MROH2A: variants seen among roughly 807,000 people sequenced by gnomAD.
The protein encoded by MROH2A is maestro heat-like repeat-containing protein family member 2A.
Under a neutral mutation model 200.4 loss-of-function variants are expected in MROH2A, and 174 were observed. The ratio of observed to expected loss-of-function variants is 0.87; its 90% CI spans 0.77 to 0.98. MROH2A has a LOEUF of 0.98. MROH2A is among the 50% of genes least tolerant of loss of function. The pLI, the probability that MROH2A is intolerant of heterozygous loss-of-function variation, is 0.00. For synonymous variants in MROH2A, 829 were observed against 840.4 expected (o/e 0.99, Z 0.23); for missense variants, 2,045 against 2,139.6 (o/e 0.96, Z 0.87).
At position 233,818,711 on chromosome 2, in the gene MROH2A, G is replaced by A. The variant is rs748087481; in HGVS notation, c.3145G>A (p.Gly1049Arg). The A allele has an allele frequency of 5.8e-6, 9 of 1,550,398 alleles. No homozygotes were observed. In the South Asian group the frequency reaches 1.1e-4, roughly 18 times the overall value. The part of the protein sequence containing the change: ...SKQKELEKCK[G>R]DLQSTDVEKI... ...GCAGAAGGAGCTTGAGAAATGTAAGGGGGACCTCCAGAGCACAGATGTGGA... is the reference window on the plus strand; with the variant it reads ...GCAGAAGGAGCTTGAGAAATGTAAGAGGGACCTCCAGAGCACAGATGTGGA... Residue 1049 changes from glycine (G) to arginine (R), a missense_variant, in exon 29 of 42, where the codon GGG (glycine) becomes AGG (arginine). Physicochemically the swap from Gly to Arg is moderately radical, Grantham distance 125 (BLOSUM62 -2). This residue lies in a region of MROH2A where 1,201 missense variants were observed against 1,311.3 expected (regional missense o/e 0.92). Coordinates refer to ENST00000389758, the MANE Select transcript of MROH2A (RefSeq NM_001394639.1).
At chr2:233,779,593 A>T in intron 2 of MROH2A, 78 bp from the exon 3 acceptor site, 1 of 1,481,644 alleles carries the variant, frequency 6.7e-7, no homozygotes, top group South Asian at 1.3e-5. Context: ...GCGCAGGTGG[A>T]GGCAAGGCCA....
At chr2:233,787,579 A>G (rs1701293750) in intron 3 of MROH2A, among the ~76,000 whole-genome samples, 1 of 47,016 alleles carries the variant, frequency 2.1e-5, no homozygotes, top group Non-Finnish European at 3.5e-5. Context: ...TATATATATC[A>G]TATATACATA....
chr2:233,827,449 T>A (rs1040905979), intron 35 of MROH2A, among the ~76,000 whole-genome samples: 2 of 152,210 alleles, frequency 1.3e-5, no homozygotes, highest in African/African-American at 4.8e-5. Flanking sequence ...GAAGTCATTA[T>A]CCTCAGCAAA....
At chr2:233,808,944 G>A (rs1218902261) in intron 21 of MROH2A, among the ~76,000 whole-genome samples, 182 bp from the exon 22 acceptor site, 1 of 152,180 alleles carries the variant, frequency 6.6e-6, no homozygotes, top group Non-Finnish European at 1.5e-5. Context: ...CAGTAAAGAT[G>A]CACTGAGTGA....
chr2:233,787,752 TATATATATC>T (rs1451275882), intron 3 of MROH2A, among the ~76,000 whole-genome samples: 2 of 38,816 alleles, frequency 5.2e-5, no homozygotes, highest in African/African-American at 2.2e-4. Flanking sequence ...TTATATATAT[TATATATATC>T]ATATATACAT....
At chr2:233,794,596 G>A (rs1265789935) in intron 8 of MROH2A, 90 bp downstream of exon 8, 41 of 692,772 alleles carry the variant, frequency 5.9e-5, no homozygotes, top group Non-Finnish European at 9.2e-5. Context: ...GGAGCCGGGG[G>A]GATGTCAGAT....
At chr2:233,796,453 G>A (rs1194606192) in intron 11 of MROH2A, 140 bp downstream of exon 11, 3 of 611,836 alleles carry the variant, frequency 4.9e-6, no homozygotes, top group East Asian at 5.6e-5. Flanking sequence ...CAAGGTTCTT[G>A]GCTGCTTTGC....
chr2:233,829,147 G>C lies in MROH2A; in HGVS notation c.4446+75G>C. 23 of 1,372,896 alleles carry C rather than the reference G, an allele frequency of 1.7e-5. 1 individual carries two copies. In the South Asian group the frequency reaches 3.4e-4, roughly 20 times the overall value. 85.0% of individuals were successfully genotyped at this position (1,372,896 alleles called of 1,614,324 possible). Reference sequence around the variant, plus strand: ...TTCTCAGACCCTAAGGAAGAGATGGGCTCTAGAGCAGAAAAGAGCCGAGGC... The same window carrying C: ...TTCTCAGACCCTAAGGAAGAGATGGCCTCTAGAGCAGAAAAGAGCCGAGGC... On this transcript the variant is annotated intron_variant, in intron 37 of 41. Transcript: ENST00000389758.
intron 8 of MROH2A, 57 bp from the exon 9 acceptor site, chr2:233,795,596 G>A: frequency 6.4e-7 from 1 of 1,550,570 alleles, no homozygotes; most frequent in South Asian, 1.2e-5. Context: ...CGAGGGTCTA[G>A]AGTTTGACCT....
rs1704845024 is a variant in MROH2A at position 233,832,632 on chromosome 2, G to C, written c.4891G>C (p.Ala1631Pro). ...TTATCTGAAAAAGCTGGACTTCCCA[G>C]CATTACGGAATTGTGAGTAGTGGAG... ...THYLKKLDFPALRNSLQELQL... is the reference protein window; with the variant it reads ...THYLKKLDFPPLRNSLQELQL... The change falls in exon 41 of 42, where the codon GCA becomes CCA. Residue 1631 changes from alanine to proline, a missense_variant. This residue lies in a region of MROH2A where 1,201 missense variants were observed against 1,311.3 expected (regional missense o/e 0.92). Transcript: ENST00000389758. The C allele has an allele frequency of 1.3e-6, 2 of 1,549,166 alleles. No individual in the cohort carries two copies. Among genetic ancestry groups the C allele is most frequent in the Non-Finnish European group, 1.7e-6 (2 of 1,145,734 alleles).
chr2:233,799,894 A>T lies in MROH2A; in HGVS notation c.1444A>T (p.Lys482Ter). Reference protein sequence around the residue: ...LSVQLTLSTYKLTNRREKFYQ... With the variant: ...LSVQLTLSTY ...TGTGCAGCTGACCTTATCCACCTAC[A>T]AACTGGTGAGTGGCCCTGATACGCA... The change falls in exon 13 of 42, where the codon AAA (lysine) becomes TAA (stop). Residue 482 changes from lysine to a stop codon, truncating the protein, a stop_gained. Transcript: ENST00000389758. LOFTEE classifies it high-confidence loss of function. 1 of 1,550,404 alleles carries T rather than the reference A, an allele frequency of 6.4e-7. No homozygotes were observed. The highest frequency in any genetic ancestry group is 8.7e-7 in the Non-Finnish European group (1 of 1,146,894).
At chr2:233,812,547 A>C (rs1049143222) in intron 24 of MROH2A, among the ~76,000 whole-genome samples, 1 of 152,256 alleles carries the variant, frequency 6.6e-6, no homozygotes, top group African/African-American at 2.4e-5. Flanking sequence ...AGCTGCATCA[A>C]ACAGGCAGAT....
chr2:233,804,345 G>T, intron 17 of MROH2A, 150 bp from the exon 18 acceptor site: 2 of 1,321,946 alleles, frequency 1.5e-6, no homozygotes, highest in South Asian at 2.8e-5. Context: ...GAGCAGCTTG[G>T]GAAGGTGAGG....
chr2:233,798,929 A>G, intron 12 of MROH2A, 79 bp downstream of exon 12: 1 of 1,180,234 alleles, frequency 8.5e-7, no homozygotes, highest in East Asian at 2.6e-5. Context: ...GGGCTCTGGG[A>G]GGCAGAGGCT....
Position 233,789,980 on chromosome 2 carries a change from C to T in MROH2A, c.537C>T (p.Val179=). The stretch of plus-strand genomic sequence containing the variant: ...CCCTCAACCTCACTGATGAATTTGT[C>T]ATCATCACACTGGCCAAGCTGGCCA... ...LKPLNLTDEF[V]IITLAKLANG... The change falls in exon 5 of 42, where the codon GTC becomes GTT. Residue 179 remains valine, a synonymous_variant. Transcript: ENST00000389758. 1 of 1,550,354 alleles carries T rather than the reference C, an allele frequency of 6.5e-7. No individual in the cohort carries two copies. Among genetic ancestry groups the T allele is most frequent in the Non-Finnish European group, 8.7e-7 (1 of 1,146,868 alleles).
chr2:233,814,405 G>A (rs1052035654), intron 25 of MROH2A, among the ~76,000 whole-genome samples, 177 bp from the exon 26 acceptor site: 1 of 152,188 alleles, frequency 6.6e-6, no homozygotes, highest in Non-Finnish European at 1.5e-5. Flanking sequence ...TTTGTAAAGT[G>A]AATCCCTCTT....
chr2:233,816,759 G>C (rs759002562), intron 26 of MROH2A, 22 bp from the exon 27 acceptor site: 2 of 1,520,548 alleles, frequency 1.3e-6, no homozygotes, highest in South Asian at 2.4e-5. Context: ...ACCCACTTTG[G>C]TGTTCTGGGC....
chr2:233,798,454 T>G (rs904924898), intron 11 of MROH2A, among the ~76,000 whole-genome samples: 1 of 152,160 alleles, frequency 6.6e-6, no homozygotes, highest in Non-Finnish European at 1.5e-5. Flanking sequence ...GTGTGCCCAC[T>G]GCATGCCCAC....
At chr2:233,785,145 C>CAA (rs201302664) in intron 3 of MROH2A, among the ~76,000 whole-genome samples, 3,972 of 140,786 alleles carry the variant, frequency 0.028, 176 homozygotes, top group African/African-American at 0.096. Flanking sequence ...GACTCCATCT[C>CAA]AAAAAAAAAA....
Sources: gnomAD v4.1 joint callset for allele counts (sites outside exome capture counted in the v4.1 genomes callset) on GRCh38, gnomAD v4.1.1 for gene constraint, gnomAD v4.1.1 regional missense constraint, MANE v1.5 for transcripts, NCBI Gene and HGNC (gene_info 2026-07-23, HGNC 2026-07-21) for gene names.